Variants in TRPM6 observed in about 807,000 individuals in gnomAD.
TRPM6 encodes the protein transient receptor potential cation channel subfamily M member 6.
Under a neutral mutation model 247.6 loss-of-function variants are expected in TRPM6, and 111 were observed. The ratio of observed to expected loss-of-function variants is 0.45; its 90% CI spans 0.38 to 0.52. TRPM6 has a LOEUF of 0.52. Ranked by LOEUF, TRPM6 falls within the 20% of genes least tolerant of loss-of-function variation. The pLI is 0.00. For synonymous variants in TRPM6, 892 were observed against 853.8 expected (o/e 1.04, Z -0.78); for missense variants, 2,126 against 2,421.5 (o/e 0.88, Z 2.56).
chr9:74,837,025 T>C (rs550624441), intron 5 of TRPM6, among the ~76,000 whole-genome samples: 4 of 152,334 alleles, frequency 2.6e-5, no homozygotes, highest in African/African-American at 9.6e-5. Context: ...TTCTCACTAG[T>C]TGCTTTTTGT....
intron 9 of TRPM6, among the ~76,000 whole-genome samples, chr9:74,818,289 A>ATTTTTT (rs1740295325): frequency 1.2e-5 from 1 of 80,352 alleles, no homozygotes; most frequent in African/African-American, 5.9e-5. Flanking sequence ...CAGATCTATC[A>ATTTTTT]TTTCTTTTTT....
chr9:74,744,816 A>T (rs1339795714), intron 31 of TRPM6, among the ~76,000 whole-genome samples: 4 of 152,184 alleles, frequency 2.6e-5, no homozygotes, highest in African/African-American at 9.7e-5. Context: ...TGGTCTCATG[A>T]TGGCAACTGT....
At chr9:74,866,107 C>A (rs1326330817) in intron 1 of TRPM6, among the ~76,000 whole-genome samples, 1 of 152,136 alleles carries the variant, frequency 6.6e-6, no homozygotes. Flanking sequence ...CAAGGCCAGC[C>A]TGGGCAACAT....
chr9:74,772,001 A>C (rs1174886328), intron 24 of TRPM6, among the ~76,000 whole-genome samples, 166 bp from the exon 25 acceptor site: 1 of 152,214 alleles, frequency 6.6e-6, no homozygotes, highest in Non-Finnish European at 1.5e-5. Context: ...CCAATAAACA[A>C]CTGGGAGCTG....
intron 38 of TRPM6, among the ~76,000 whole-genome samples, chr9:74,725,905 G>A (rs1047488433): frequency 1.3e-5 from 2 of 152,118 alleles, no homozygotes; most frequent in African/African-American, 4.8e-5. Context: ...TACAGACAAG[G>A]AAACTGAAGC....
chr9:74,775,753 T>G (rs1270285104), intron 24 of TRPM6, 130 bp downstream of exon 24: 1 of 930,632 alleles, frequency 1.1e-6, no homozygotes, highest in African/African-American at 1.6e-5. Flanking sequence ...GAGCATCAGC[T>G]GATATTCTAT....
intron 18 of TRPM6, among the ~76,000 whole-genome samples, chr9:74,793,545 C>A (rs1314243871): frequency 6.6e-6 from 1 of 152,058 alleles, no homozygotes; most frequent in African/African-American, 2.4e-5. Flanking sequence ...AATTTTGGAA[C>A]CTAAGGATAC....
intron 5 of TRPM6, among the ~76,000 whole-genome samples, chr9:74,839,098 G>T (rs945994897): frequency 2.6e-4 from 36 of 139,450 alleles, no homozygotes; most frequent in African/African-American, 9.9e-4. Flanking sequence ...TGACAAGAGC[G>T]AGACTTCATC....
At chr9:74,859,313 T>C (rs1830624234) in intron 1 of TRPM6, among the ~76,000 whole-genome samples, 1 of 152,198 alleles carries the variant, frequency 6.6e-6, no homozygotes, top group South Asian at 2.1e-4. Flanking sequence ...ATACTCACTC[T>C]TCCTCCTAAT....
intron 10 of TRPM6, 54 bp downstream of exon 10, chr9:74,816,838 T>C: frequency 6.2e-7 from 1 of 1,609,602 alleles, no homozygotes; most frequent in Non-Finnish European, 8.5e-7. Flanking sequence ...CAAAGTACTG[T>C]GGAACATGAG....
chr9:74,804,958 T>C (rs1197829144), intron 14 of TRPM6, among the ~76,000 whole-genome samples: 1 of 152,156 alleles, frequency 6.6e-6, no homozygotes, highest in African/African-American at 2.4e-5. Context: ...AGAAAAATAA[T>C]AAAAATTTTG....
At chr9:74,802,296 T>G in intron 15 of TRPM6, 121 bp from the exon 16 acceptor site, 1 of 911,988 alleles carries the variant, frequency 1.1e-6, no homozygotes, top group Admixed American at 2.4e-5. Context: ...GAGATGGAAA[T>G]AATAATAAGA....
At position 74,762,764 on chromosome 9, in the gene TRPM6, T is replaced by C. The variant is rs746236238; in HGVS notation, c.3907A>G (p.Ile1303Val). ...GTAGCCTCTCTTTTACTGTTTGTAATCTCAAGAAGTGCCCCCCTCTGCACT... is the reference window on the plus strand; with the variant it reads ...GTAGCCTCTCTTTTACTGTTTGTAACCTCAAGAAGTGCCCCCCTCTGCACT... ...PRVQRGALLE[I>V]TNSKREATNV... Residue 1303 changes from isoleucine to valine, a missense_variant, in exon 26 of 39, where the codon ATT becomes GTT. Ile to Val is a conservative substitution (Grantham distance 29). Around this residue, in one of 3 missense-constraint regions of TRPM6, gnomAD observed 717 missense variants for 715.9 expected, o/e 1.00. Coordinates refer to ENST00000360774, the MANE Select transcript of TRPM6 (RefSeq NM_017662.5). 1 of 1,614,120 alleles carries C rather than the reference T, an allele frequency of 6.2e-7. No homozygotes were observed. Among genetic ancestry groups the C allele is most frequent in the South Asian group, 1.1e-5 (1 of 91,074 alleles).
At position 74,816,910 on chromosome 9, in the gene TRPM6, G is replaced by C; in HGVS notation, c.1189C>G (p.Leu397Val). The C allele has an allele frequency of 6.2e-7, 1 of 1,614,120 alleles. No homozygotes were observed. Among genetic ancestry groups the C allele is most frequent in the Non-Finnish European group, 8.5e-7 (1 of 1,180,000 alleles). ...EEQQDLDLAI[L>V]TALLKGTNLS... ...TACTCACCCTTCAGCAAAGCTGTTAGGATTGCTAAGTCCAGGTCTTGCTGC... is the reference window on the plus strand; with the variant it reads ...TACTCACCCTTCAGCAAAGCTGTTACGATTGCTAAGTCCAGGTCTTGCTGC... Residue 397 changes from leucine to valine, a missense_variant, in exon 10 of 39, where the codon CTA (leucine) becomes GTA (valine). Physicochemically the swap from Leu to Val is conservative, Grantham distance 32. Around this residue, in one of 3 missense-constraint regions of TRPM6, gnomAD observed 1,082 missense variants for 1,307.9 expected, o/e 0.83. Transcript: ENST00000360774.
chr9:74,883,104 CA>C (rs1469621736), intron 1 of TRPM6, among the ~76,000 whole-genome samples: 1 of 152,180 alleles, frequency 6.6e-6, no homozygotes, highest in Non-Finnish European at 1.5e-5. Flanking sequence ...TAAGTGGAAT[CA>C]TACAGTATTT....
intron 1 of TRPM6, chr9:74,887,436 A>G (rs1034855107): frequency 3.5e-6 from 4 of 1,146,586 alleles, no homozygotes; most frequent in Non-Finnish European, 4.8e-6. Flanking sequence ...TTCTCAGCTC[A>G]AGCCACCTCC....
rs1193127627 is a variant in TRPM6, at chr9:74,842,272, C to A, written c.224G>T (p.Gly75Val). Reference sequence around the variant, plus strand: ...AACAGACCATTGTTCACTTTCTTTACCCTTGGCAGCTGAGATGGTCCAGGA... The same window carrying A: ...AACAGACCATTGTTCACTTTCTTTAACCTTGGCAGCTGAGATGGTCCAGGA... ...DYSWTISAAK[G>V]KESEQWSVEK... The change falls in exon 4 of 39, where the codon GGT becomes GTT. Residue 75 changes from glycine to valine, a missense_variant. By Grantham distance (109) the Gly-to-Val change is moderately radical. Transcript: ENST00000360774. 2 of 1,614,096 alleles carry A rather than the reference C, an allele frequency of 1.2e-6. No individual in the cohort carries two copies. The highest frequency in any genetic ancestry group is 1.7e-6 in the Non-Finnish European group (2 of 1,180,022).
intron 3 of TRPM6, among the ~76,000 whole-genome samples, chr9:74,848,164 C>T (rs1460786925): frequency 6.6e-6 from 1 of 152,208 alleles, no homozygotes; most frequent in Non-Finnish European, 1.5e-5. Flanking sequence ...TTAGCAACCT[C>T]AGCTAACTTT....
intron 1 of TRPM6, among the ~76,000 whole-genome samples, chr9:74,879,472 G>A (rs1334515383): frequency 6.6e-6 from 1 of 152,024 alleles, no homozygotes; most frequent in African/African-American, 2.4e-5. Flanking sequence ...TGTCAGGTGT[G>A]TTAGGCCTCA....
Sources: gnomAD v4.1 joint callset for allele counts (sites outside exome capture counted in the v4.1 genomes callset) on GRCh38, gnomAD v4.1.1 for gene constraint, gnomAD v4.1.1 regional missense constraint, MANE v1.5 for transcripts, NCBI Gene and HGNC (gene_info 2026-07-23, HGNC 2026-07-21) for gene names.